Variants in STXBP2 observed in about 807,000 individuals in gnomAD.
STXBP2 encodes the protein syntaxin-binding protein 2.
A neutral mutation model predicts 72.2 loss-of-function variants in STXBP2; 47 were observed. The ratio of observed to expected loss-of-function variants is 0.65; its 90% CI spans 0.51 to 0.83. The LOEUF (loss-of-function observed/expected upper bound fraction) is 0.83. Ranked by LOEUF, STXBP2 falls within the 40% of genes least tolerant of loss-of-function variation. The pLI is 0.00. For missense variants in STXBP2, 702 were observed against 807.6 expected, an observed-to-expected ratio of 0.87 and a Z score of 1.58; for synonymous variants, 367 against 338.7, an observed-to-expected ratio of 1.08 and a Z score of -0.92.
At chr19:7,646,591 T>C (rs944535799) in intron 16 of STXBP2, 4 of 586,194 alleles carry the variant, frequency 6.8e-6, no homozygotes, top group Non-Finnish European at 1.2e-5. Context: ...GCTATATCTC[T>C]CTAGTCTGTT....
chr19:7,633,512 G>A (rs1273167577), upstream of STXBP2: 2 of 1,536,374 alleles, frequency 1.3e-6, no homozygotes, highest in Admixed American at 2.0e-5. Flanking sequence ...CAGTGCCAGA[G>A]AGGGCCTTTT....
rs139019861 is a variant in STXBP2 at position 7,638,846 on chromosome 19, G to A, written c.87+71G>A. 101 of 1,606,226 alleles carry A rather than the reference G, an allele frequency of 6.3e-5. No homozygotes were observed. The East Asian group carries it at 2.2e-3, about 35-fold the overall frequency. ...CAGGCCTATGGGGAAGACCCTGAAT[G>A]TGGGACCCCCAAGAACTGCCTGTCC... On this transcript the variant is annotated intron_variant, in intron 2 of 18. Coordinates refer to ENST00000221283, the MANE Select transcript of STXBP2 (RefSeq NM_006949.4).
chr19:7,640,448 G>T (rs1568465500), intron 4 of STXBP2: 2 of 656,868 alleles, frequency 3.0e-6, no homozygotes, highest in South Asian at 3.1e-5. Flanking sequence ...GTGCATGTGT[G>T]TATGTATGTG....
intron 1 of STXBP2, 36 bp downstream of exon 1, chr19:7,637,222 GT>G (rs2031578838): frequency 8.1e-7 from 1 of 1,237,598 alleles, no homozygotes. Context: ...CTGGCGTCCG[GT>G]GTGGGACGGG....
chr19:7,641,379 C>A (rs1036343377), intron 6 of STXBP2, among the ~76,000 whole-genome samples: 1 of 152,090 alleles, frequency 6.6e-6, no homozygotes, highest in Non-Finnish European at 1.5e-5. Flanking sequence ...CAAAAACATA[C>A]ATAAAGTAAA....
At chr19:7,635,226 C>G (rs1245797573), upstream of STXBP2, among the ~76,000 whole-genome samples, 1 of 152,154 alleles carries the variant, frequency 6.6e-6, no homozygotes, top group Non-Finnish European at 1.5e-5. Context: ...CCCGCCTTCC[C>G]CTGCTCAAAA....
chr19:7,633,557 A>G (rs897193348), upstream of STXBP2: 25 of 1,103,326 alleles, frequency 2.3e-5, no homozygotes, highest in African/African-American at 3.7e-4. Flanking sequence ...GATTCCCCCC[A>G]TCCCCAAATC....
intron 4 of STXBP2, 198 bp downstream of exon 4, chr19:7,640,005 T>A (rs1459423264): frequency 2.9e-6 from 2 of 696,514 alleles, no homozygotes; most frequent in South Asian, 3.0e-5. Context: ...TGTGTCTATG[T>A]ATGTGTCTGT....
At chr19:7,638,305 G>A (rs2031645500) in intron 1 of STXBP2, among the ~76,000 whole-genome samples, 1 of 152,198 alleles carries the variant, frequency 6.6e-6, no homozygotes. Flanking sequence ...CAGAACTGGG[G>A]GCTAAAAATA....
chr19:7,640,876 T>C, intron 5 of STXBP2, 24 bp from the exon 6 acceptor site: 2 of 1,613,622 alleles, frequency 1.2e-6, no homozygotes, highest in Non-Finnish European at 1.7e-6. Flanking sequence ...TCTGGCCTGA[T>C]GCCCCACTCC....
chr19:7,644,908 C>T (rs1278380856), intron 14 of STXBP2, 156 bp downstream of exon 14: 20 of 1,477,296 alleles, frequency 1.4e-5, no homozygotes, highest in Non-Finnish European at 1.8e-5. Context: ...AACCCTCCTC[C>T]ATTGGCTTGG....
rs1240464307 is a variant in STXBP2 at position 7,639,925 on chromosome 19, T to C, written c.246+118T>C. ...ATGTGTATACGTGTGCATGTGTCCA[T>C]GTGTATGTGTGTGCATGTGTGTGCA... On this transcript the variant is annotated intron_variant, in intron 4 of 18. Transcript: ENST00000221283. 2.8e-6 allele frequency: 3 copies of C among 1,056,696 alleles called. No individual in the cohort carries two copies. The South Asian group carries it at 4.1e-5, about 14-fold the overall frequency. The allele number at this position is 1,056,696 out of a possible 1,614,324, so 65.5% of individuals were successfully genotyped here.
upstream of STXBP2, chr19:7,636,961 C>A: frequency 4.0e-6 from 2 of 495,742 alleles, no homozygotes; most frequent in Middle Eastern, 5.8e-4. Context: ...GCAGCGCGGA[C>A]GCACCTGCCC....
Position 7,642,102 on chromosome 19 carries a change from C to G in STXBP2, c.647C>G (p.Thr216Ser). The change falls in exon 8 of 19, where the codon ACT becomes AGT. Residue 216 changes from threonine (T) to serine (S), a missense_variant. By Grantham distance (58) the Thr-to-Ser change is moderately conservative. Transcript: ENST00000221283. The surrounding 1 kb of genome is among the most constrained non-coding windows in gnomAD (Gnocchi z 6.0). ...LAKLNAFKAD[T>S]PSLGEGPEKT... ...AAGCTGAACGCCTTCAAGGCAGACA[C>G]TCCCAGTCTGGGCGAGGTGAGGGGG... 1 of 1,614,146 alleles carries G rather than the reference C, an allele frequency of 6.2e-7. No homozygotes were observed.
At chr19:7,634,225 C>A (rs1259930375), upstream of STXBP2, among the ~76,000 whole-genome samples, 1 of 152,188 alleles carries the variant, frequency 6.6e-6, no homozygotes, top group Non-Finnish European at 1.5e-5. Context: ...GACGTCCCTG[C>A]CTTTTCCCCC....
chr19:7,633,295 CA>C, upstream of STXBP2: 1 of 1,116,470 alleles, frequency 9.0e-7, no homozygotes. Flanking sequence ...ACAACTGGGT[CA>C]GGGGGTCCTA....
At chr19:7,630,178 G>A in the STXBP2 span, 1 of 465,830 alleles carries the variant, frequency 2.1e-6, no homozygotes, top group Non-Finnish European at 3.8e-6. Context: ...CGTGGTGGGT[G>A]GGTGTCTATG....
chr19:7,644,457 C>T, intron 13 of STXBP2, 157 bp from the exon 14 acceptor site: 1 of 970,230 alleles, frequency 1.0e-6, no homozygotes, highest in Middle Eastern at 3.2e-4. Flanking sequence ...GAGAGACTGT[C>T]CCTGGACAGG....
the STXBP2 span, chr19:7,630,534 T>G: frequency 6.8e-7 from 1 of 1,467,528 alleles, no homozygotes; most frequent in African/African-American, 1.4e-5. Flanking sequence ...TGCACATTGC[T>G]TGGGGGGAGC....
Sources: allele counts gnomAD v4.1 joint callset (sites outside exome capture counted in the v4.1 genomes callset), GRCh38; gene constraint gnomAD v4.1.1; non-coding constraint Gnocchi (gnomAD v3.1); transcripts MANE v1.5; gene names NCBI Gene and HGNC (gene_info 2026-07-23, HGNC 2026-07-21).